PDE1A: variants seen among roughly 807,000 people sequenced by gnomAD.
The protein encoded by PDE1A is dual specificity calcium/calmodulin-dependent 3',5'-cyclic nucleotide phosphodiesterase 1A.
A neutral mutation model predicts 61.7 loss-of-function variants in PDE1A; 35 were observed. The ratio of observed to expected loss-of-function variants is 0.57; its 90% confidence interval spans 0.43 to 0.75. The LOEUF (loss-of-function observed/expected upper bound fraction) is 0.75. PDE1A is among the 30% of genes least tolerant of loss of function. PDE1A has a pLI of 0.00. For missense variants in PDE1A, 597 were observed against 630.6 expected (o/e 0.95, Z 0.57); for synonymous variants, 232 against 213.2 (o/e 1.09, Z -0.77).
chr2:182,375,527 AC>A, intron 1 of PDE1A, among the ~76,000 whole-genome samples: 1 of 152,142 alleles, frequency 6.6e-6, no homozygotes, highest in Non-Finnish European at 1.5e-5. Context: ...GGGCAGCTCC[AC>A]CCCTGTGGCT....
At chr2:182,347,636 C>T (rs1698598855) in intron 1 of PDE1A, among the ~76,000 whole-genome samples, 1 of 151,922 alleles carries the variant, frequency 6.6e-6, no homozygotes, top group Non-Finnish European at 1.5e-5. Flanking sequence ...ATATCAATTG[C>T]CTAATTTAAG....
intron 2 of PDE1A, among the ~76,000 whole-genome samples, chr2:182,433,660 CATT>C (rs1704065368): frequency 1.3e-5 from 2 of 152,094 alleles, no homozygotes; most frequent in Non-Finnish European, 2.9e-5. Flanking sequence ...TAGACAAATA[CATT>C]ATCACTATAT....
At chr2:182,559,371 C>T in the PDE1A span, among the ~76,000 whole-genome samples, 2 of 152,030 alleles carry the variant, frequency 1.3e-5, no homozygotes, top group Non-Finnish European at 2.9e-5. Flanking sequence ...TTAATAAAGC[C>T]ATGGGAGAGT....
chr2:182,182,988 G>C (rs1684895599), intron 13 of PDE1A, among the ~76,000 whole-genome samples: 3 of 151,916 alleles, frequency 2.0e-5, no homozygotes. Context: ...AGTTTTGCTG[G>C]ATTTAGAATT....
intron 2 of PDE1A, among the ~76,000 whole-genome samples, chr2:182,485,916 T>A (rs924335750): frequency 5.3e-5 from 8 of 152,038 alleles, no homozygotes; most frequent in African/African-American, 1.7e-4. Flanking sequence ...GGCATCTGCC[T>A]GCTTCACTAC....
upstream of PDE1A, among the ~76,000 whole-genome samples, chr2:182,526,679 T>G (rs1195268721): frequency 1.3e-5 from 2 of 152,178 alleles, no homozygotes; most frequent in African/African-American, 4.8e-5. Flanking sequence ...CAGCAAAACT[T>G]AAAATGATCT....
At position 182,468,751 on chromosome 2, in the gene PDE1A, A is replaced by C. The variant is rs188899848; in HGVS notation, c.101+53525T>G. ...TATAGCCTCATGAAATGTATTTCTT[A>C]AATAATAAGACTTGAAAGTCAAAAT... On this transcript the variant is annotated intron_variant, in intron 2 of 14. Coordinates refer to the PDE1A transcript ENST00000410103. Among the ~76,000 whole-genome samples, 4 of 152,132 alleles carry C rather than the reference A, an allele frequency of 2.6e-5. No homozygotes were observed. In the East Asian group the frequency reaches 7.8e-4, roughly 29 times the overall value.
the PDE1A span, among the ~76,000 whole-genome samples, chr2:182,622,247 G>A: frequency 2.3e-4 from 35 of 152,142 alleles, no homozygotes; most frequent in Non-Finnish European, 4.3e-4. Context: ...TTAAACACAC[G>A]TGACAAGATT....
the PDE1A span, among the ~76,000 whole-genome samples, chr2:182,680,146 AT>A: frequency 6.6e-6 from 1 of 152,186 alleles, no homozygotes; most frequent in Non-Finnish European, 1.5e-5. Flanking sequence ...AAATTACGCC[AT>A]TATGTAAACT....
intron 1 of PDE1A, among the ~76,000 whole-genome samples, chr2:182,280,132 C>T (rs1181395111): frequency 1.3e-5 from 2 of 150,210 alleles, no homozygotes; most frequent in Non-Finnish European, 2.9e-5. Flanking sequence ...CATTTCCATG[C>T]CTTTGGGTTT....
At chr2:182,469,757 T>C (rs1686907287) in intron 2 of PDE1A, among the ~76,000 whole-genome samples, 1 of 151,918 alleles carries the variant, frequency 6.6e-6, no homozygotes, top group East Asian at 1.9e-4. Context: ...AACATGCAAC[T>C]CTTTCTTTCA....
At chr2:182,485,628 A>T (rs751256007) in intron 2 of PDE1A, among the ~76,000 whole-genome samples, 3 of 152,096 alleles carry the variant, frequency 2.0e-5, no homozygotes, top group Admixed American at 6.6e-5. Context: ...AACAACATAT[A>T]AAAGAATGAT....
chr2:182,234,454 G>T, exon 4 of PDE1A: 1 of 1,606,798 alleles, frequency 6.2e-7, no homozygotes, highest in Non-Finnish European at 8.5e-7. Flanking sequence ...GATGACAGCT[G>T]CTGGATATGC....
intron 2 of PDE1A, among the ~76,000 whole-genome samples, chr2:182,448,474 C>T (rs367668097): frequency 2.8e-4 from 42 of 151,956 alleles, no homozygotes; most frequent in Non-Finnish European, 5.0e-4. Flanking sequence ...AAAGTATATG[C>T]GATGTTTTAG....
chr2:182,146,938 T>G, downstream of PDE1A: 1 of 486,102 alleles, frequency 2.1e-6, no homozygotes, highest in Non-Finnish European at 3.6e-6. Flanking sequence ...TTAAAAAAAC[T>G]CTAGGAGGGC....
intron 1 of PDE1A, among the ~76,000 whole-genome samples, chr2:182,418,028 TA>T (rs1409578468): frequency 2.0e-5 from 3 of 152,202 alleles, no homozygotes; most frequent in African/African-American, 4.8e-5. Flanking sequence ...ATCTATCCCA[TA>T]AAAAAATTTT....
chr2:182,579,735 G>A, the PDE1A span, among the ~76,000 whole-genome samples: 1 of 151,776 alleles, frequency 6.6e-6, no homozygotes, highest in Non-Finnish European at 1.5e-5. Flanking sequence ...AAAAAAAAAA[G>A]GAGAAATGAG....
At chr2:182,566,093 A>G in the PDE1A span, among the ~76,000 whole-genome samples, 4 of 152,128 alleles carry the variant, frequency 2.6e-5, no homozygotes, top group Non-Finnish European at 4.4e-5. Flanking sequence ...GGTAGCTTCC[A>G]GACCTTCTGC....
At position 182,201,420 on chromosome 2, in the gene PDE1A, CAG is replaced by C. The variant is rs1472182281; in HGVS notation, c.1125+17_1125+18del. 9.3e-6 allele frequency: 15 copies of C among 1,612,610 alleles called. No individual in the cohort carries two copies. The highest frequency in any genetic ancestry group is 1.2e-5 in the Non-Finnish European group (14 of 1,179,376). On this transcript the variant is annotated intron_variant, in intron 10 of 13. Coordinates refer to ENST00000351439, the Ensembl canonical transcript of PDE1A. ...GTCACTATTTCCAAAAACATTTGCA[CAG>C]AGTGTGAAAGAGGCACCTGCAGGAA...
Sources: gnomAD v4.1 joint callset for allele counts (sites outside exome capture counted in the v4.1 genomes callset) on GRCh38, gnomAD v4.1.1 for gene constraint, MANE v1.5 for transcripts, NCBI Gene and HGNC (gene_info 2026-07-23, HGNC 2026-07-21) for gene names.